The following GNG10 variants were observed in gnomAD, a reference collection of about 807,000 sequenced individuals.
The protein encoded by GNG10 is G protein subunit gamma 10, also known as guanine nucleotide-binding protein G(I)/G(S)/G(O) subunit gamma-10.
Under a neutral mutation model 6.8 loss-of-function variants are expected in GNG10, and 7 were observed. The observed-to-expected ratio is 1.02, with a 90% CI of 0.58 to 1.92. The LOEUF is 1.92. Ranked by LOEUF, GNG10 falls within the 30% of genes most tolerant of loss-of-function variation. The probability of loss-of-function intolerance (pLI) is 0.00; values close to 1 mark genes in which losing one functional copy is unlikely to be tolerated. For missense variants in GNG10, 57 were observed against 86.1 expected (o/e 0.66, Z 1.34); for synonymous variants, 28 against 34.8 (o/e 0.80, Z 0.69).
Position 111,666,797 on chromosome 9 carries a change from G to C in GNG10, c.82-18G>C, listed in dbSNP as rs369596134. On this transcript the variant is annotated intron_variant, in intron 1 of 2. Coordinates refer to ENST00000374293, the MANE Select transcript of GNG10 (RefSeq NM_001017998.4). ...TTGGCTGTGAGCAGGGTGCCATGTT[G>C]CTGTCCCTTTGTTTCAGGTCTCTCA... 6.1e-5 allele frequency: 99 copies of C among 1,610,778 alleles called. No individual in the cohort carries two copies. The highest frequency in any genetic ancestry group is 8.1e-5 in the Non-Finnish European group (96 of 1,178,806).
intron 1 of GNG10, among the ~76,000 whole-genome samples, chr9:111,666,452 T>C (rs1053963112): frequency 6.6e-6 from 1 of 152,244 alleles, no homozygotes; most frequent in African/African-American, 2.4e-5. Flanking sequence ...TTTGCTCATT[T>C]GGCAAACTTG....
chr9:111,662,901 T>C (rs889519308), intron 1 of GNG10, among the ~76,000 whole-genome samples: 1 of 152,148 alleles, frequency 6.6e-6, no homozygotes, highest in Non-Finnish European at 1.5e-5. Context: ...GGAAATAACG[T>C]GTTTTTTTAA....
Position 111,669,975 on chromosome 9 carries a change from A to G in GNG10, c.*713A>G, listed in dbSNP as rs1238026224. On this transcript the variant is annotated 3_prime_UTR_variant, in exon 3 of 3. Coordinates refer to ENST00000374293, the MANE Select transcript of GNG10 (RefSeq NM_001017998.4). ...GTATTCTTACGTTTCTCTGCTTTGT[A>G]GTTGTGGCTGTACTTAAAGAAATAC... 1.3e-5 allele frequency: 2 copies of G among 148,352 alleles called. No individual in the cohort carries two copies. The highest frequency in any genetic ancestry group is 3.0e-5 in the Non-Finnish European group (2 of 67,462). 9.2% of individuals were successfully genotyped at this position (148,352 alleles called of 1,614,324 possible).
At chr9:111,666,030 C>T (rs1026634099) in intron 1 of GNG10, among the ~76,000 whole-genome samples, 23 of 151,546 alleles carry the variant, frequency 1.5e-4, no homozygotes, top group Non-Finnish European at 1.0e-4. Flanking sequence ...CCACTGCGCC[C>T]AGCCACAGTC....
chr9:111,664,579 C>G (rs1335172381), intron 1 of GNG10, among the ~76,000 whole-genome samples: 1 of 152,166 alleles, frequency 6.6e-6, no homozygotes, highest in Non-Finnish European at 1.5e-5. Flanking sequence ...AGTCAGGTAA[C>G]CTGGGTGGAG....
At chr9:111,665,748 C>T (rs892951104) in intron 1 of GNG10, among the ~76,000 whole-genome samples, 4 of 151,868 alleles carry the variant, frequency 2.6e-5, no homozygotes, top group South Asian at 2.1e-4. Context: ...TTTTTTGAGA[C>T]GGAGTTTTGC....
In GNG10 at chr9:111,670,021, A is replaced by G. The variant is rs1830973875; in HGVS notation, c.*759A>G. The G allele has an allele frequency of 6.6e-6, 1 of 151,886 alleles. No homozygotes were observed. The allele number at this position is 151,886 out of a possible 1,614,324, so 9.4% of individuals were successfully genotyped here. A position where few individuals can be genotyped will look rare whatever the true frequency, so the allele number is the denominator to read the frequency against. Reference sequence around the variant, plus strand: ...AATACAGAATTTCATATATTTAAAAATGTTTAAAATGTGACCCACAGAACA... The same window carrying G: ...AATACAGAATTTCATATATTTAAAAGTGTTTAAAATGTGACCCACAGAACA... On this transcript the variant is annotated 3_prime_UTR_variant, in exon 3 of 3. Coordinates refer to ENST00000374293, the MANE Select transcript of GNG10 (RefSeq NM_001017998.4).
At chr9:111,668,054 C>T (rs1830934148) in intron 2 of GNG10, among the ~76,000 whole-genome samples, 1 of 152,134 alleles carries the variant, frequency 6.6e-6, no homozygotes, top group Non-Finnish European at 1.5e-5. Flanking sequence ...AATGGGGTTT[C>T]ACCATGTTGG....
chr9:111,667,128 C>T (rs1830913737), intron 2 of GNG10, among the ~76,000 whole-genome samples, 182 bp downstream of exon 2: 1 of 152,180 alleles, frequency 6.6e-6, no homozygotes, highest in African/African-American at 2.4e-5. Context: ...CTGTAGAATA[C>T]ATCTAATCAG....
At chr9:111,666,335 A>G (rs897965659) in intron 1 of GNG10, among the ~76,000 whole-genome samples, 5 of 152,176 alleles carry the variant, frequency 3.3e-5, no homozygotes, top group Non-Finnish European at 7.3e-5. Flanking sequence ...TCCAGAGGCT[A>G]TACTCCCAAA....
chr9:111,661,782 G>T lies in GNG10; in HGVS notation c.81+67G>T. On this transcript the variant is annotated intron_variant, in intron 1 of 2. Transcript: ENST00000374293. This position sits in a 1 kb window ranked among gnomAD's most constrained non-coding sequence, Gnocchi z 6.1. Reference sequence around the variant, plus strand: ...GGGGCGTGAGAAGAGGAGGCCGGCGGCCCGGACCGGGCGCCAGCGGGGGAC... The same window carrying T: ...GGGGCGTGAGAAGAGGAGGCCGGCGTCCCGGACCGGGCGCCAGCGGGGGAC... The T allele has an allele frequency of 1.0e-6, 1 of 975,292 alleles. No individual in the cohort carries two copies. 60.4% of individuals were successfully genotyped at this position (975,292 alleles called of 1,614,324 possible). A position where few individuals can be genotyped will look rare whatever the true frequency, so the allele number is the denominator to read the frequency against.
At chr9:111,664,133 C>T (rs1399322857) in intron 1 of GNG10, among the ~76,000 whole-genome samples, 1 of 152,092 alleles carries the variant, frequency 6.6e-6, no homozygotes, top group African/African-American at 2.4e-5. Flanking sequence ...TGGCACCTGG[C>T]CGGAAAGATG....
At position 111,661,851 on chromosome 9, in the gene GNG10, G is replaced by T; in HGVS notation, c.81+136G>T. The stretch of plus-strand genomic sequence containing the variant: ...CCTCGGCGGGGCGCGGGGGCGGTGG[G>T]GTCCGCGGTGAGGGAGGGCGCGGGG... On this transcript the variant is annotated intron_variant, in intron 1 of 2. Coordinates refer to ENST00000374293, the MANE Select transcript of GNG10 (RefSeq NM_001017998.4). This position sits in a 1 kb window ranked among gnomAD's most constrained non-coding sequence, Gnocchi z 6.1. 3.0e-6 allele frequency: 1 copy of T among 337,148 alleles called. No individual in the cohort carries two copies. Among genetic ancestry groups the T allele is most frequent in the Non-Finnish European group, 4.8e-6 (1 of 209,466 alleles). The allele number at this position is 337,148 out of a possible 1,614,324, so 20.9% of individuals were successfully genotyped here. A position where few individuals can be genotyped will look rare whatever the true frequency, so the allele number is the denominator to read the frequency against.
chr9:111,664,050 G>T (rs968795110), intron 1 of GNG10, among the ~76,000 whole-genome samples: 1 of 151,102 alleles, frequency 6.6e-6, no homozygotes, highest in Non-Finnish European at 1.5e-5. Context: ...GGCCAGGCTG[G>T]TATCGATCTC....
chr9:111,663,912 C>T lies in GNG10; in HGVS notation c.81+2197C>T, dbSNP rs548216900. 1.2e-3 allele frequency among the ~76,000 whole-genome samples: 186 copies of T among 151,866 alleles called. 2 individuals are homozygous for T. Among genetic ancestry groups the T allele is most frequent in the African/African-American group, 4.1e-3 (171 of 41,410 alleles). ...CTCAGCTCACTGCAACCTCTGCCTCCCAGGTTCAAGCGATTCTCCTGCCTC... is the reference window on the plus strand; with the variant it reads ...CTCAGCTCACTGCAACCTCTGCCTCTCAGGTTCAAGCGATTCTCCTGCCTC... On this transcript the variant is annotated intron_variant, in intron 1 of 2. Transcript: ENST00000374293.
In GNG10 at chr9:111,670,011, A is replaced by T. The variant is rs1830973834; in HGVS notation, c.*749A>T. On this transcript the variant is annotated 3_prime_UTR_variant, in exon 3 of 3. Transcript: ENST00000374293. ...TACTTAAAGAAATACAGAATTTCAT[A>T]TATTTAAAAATGTTTAAAATGTGAC... is the stretch of plus-strand genomic sequence containing the variant. The T allele has an allele frequency of 6.6e-6, 1 of 151,646 alleles. No individual in the cohort carries two copies. The highest frequency in any genetic ancestry group is 6.6e-5 in the Admixed American group (1 of 15,140). 9.4% of individuals were successfully genotyped at this position (151,646 alleles called of 1,614,324 possible). A position where few individuals can be genotyped will look rare whatever the true frequency, so the allele number is the denominator to read the frequency against.
At chr9:111,663,594 G>A (rs1564091347) in intron 1 of GNG10, among the ~76,000 whole-genome samples, 1 of 152,136 alleles carries the variant, frequency 6.6e-6, no homozygotes, top group Admixed American at 6.5e-5. Flanking sequence ...TGATCAGAGA[G>A]TAGGATACTG....
At chr9:111,662,940 GTTGAGAGGAAGTAACAAA>G (rs960735510) in intron 1 of GNG10, among the ~76,000 whole-genome samples, 2 of 152,012 alleles carry the variant, frequency 1.3e-5, no homozygotes, top group Non-Finnish European at 2.9e-5. Context: ...ATGTTTTAGG[GTTGAGAGGAAGTAACAAA>G]TTATATTTTT....
At chr9:111,663,024 C>CGG (rs200176290) in intron 1 of GNG10, among the ~76,000 whole-genome samples, 5 of 148,782 alleles carry the variant, frequency 3.4e-5, no homozygotes, top group African/African-American at 1.2e-4. Context: ...GACAGGGCTA[C>CGG]GGGGGGGTGG....
Sources: gnomAD v4.1 joint callset for allele counts (sites outside exome capture counted in the v4.1 genomes callset) on GRCh38, gnomAD v4.1.1 for gene constraint, Gnocchi (gnomAD v3.1) non-coding constraint, MANE v1.5 for transcripts, NCBI Gene and HGNC (gene_info 2026-07-23, HGNC 2026-07-21) for gene names.